Variants in PRKAG2 observed in about 807,000 individuals in gnomAD.
PRKAG2 encodes protein kinase AMP-activated non-catalytic subunit gamma 2.
PRKAG2 carries 26 observed loss-of-function variants against 69.6 expected under a neutral mutation model. The ratio of observed to expected loss-of-function variants is 0.37; its 90% CI spans 0.27 to 0.52. The LOEUF (loss-of-function observed/expected upper bound fraction) is 0.52, where lower values mean the gene tolerates loss of function less well. PRKAG2 is among the 20% of genes least tolerant of loss of function. The pLI is 0.90. For missense variants in PRKAG2, 557 were observed against 740.0 expected (o/e 0.75, Z 2.87); for synonymous variants, 293 against 285.0 (o/e 1.03, Z -0.28).
At chr7:151,837,251 G>A (rs1239591117) in intron 1 of PRKAG2, 3 of 152,220 alleles carry the variant, frequency 2.0e-5, no homozygotes, top group African/African-American at 7.2e-5. Context: ...GGTGAGACCT[G>A]GTATTTTTCA....
At chr7:151,794,572 A>C (rs938109046) in intron 1 of PRKAG2, among the ~76,000 whole-genome samples, 16 of 152,246 alleles carry the variant, frequency 1.1e-4, no homozygotes, top group Non-Finnish European at 2.4e-4. Flanking sequence ...TGTGGGGAGC[A>C]ACAAAGGCAT....
In PRKAG2 at chr7:151,698,470, C is replaced by T. The variant is rs567971410; in HGVS notation, c.467-22833G>A. On this transcript the variant is annotated intron_variant, in intron 3 of 15. Transcript: ENST00000287878. ...GTGGGAGAAGTCTGGGTCATGGGGG[C>T]GAATGTCGTGGTGCTGTCCTCGTGG... Among the ~76,000 whole-genome samples the T allele has an allele frequency of 5.9e-5, 9 of 152,146 alleles. No individual in the cohort carries two copies. The South Asian group carries it at 8.3e-4, about 14-fold the overall frequency.
At chr7:151,681,970 C>T (rs996354990) in intron 3 of PRKAG2, among the ~76,000 whole-genome samples, 10 of 152,170 alleles carry the variant, frequency 6.6e-5, no homozygotes, top group Non-Finnish European at 1.2e-4. Flanking sequence ...ACGGAGTGAG[C>T]TTGGGACCCC....
In PRKAG2 at chr7:151,735,252, C is replaced by T. The variant is rs544860076; in HGVS notation, c.466+45900G>A. Among the ~76,000 whole-genome samples, 9 of 152,244 alleles carry T rather than the reference C, an allele frequency of 5.9e-5. No homozygotes were observed. In the East Asian group the frequency reaches 1.5e-3, roughly 26 times the overall value. ...AAAGCTTTGGAATCGACCTGTGTGGCTGCAGACAGACAAGGGCAAAACCCA... is the reference window on the plus strand; with the variant it reads ...AAAGCTTTGGAATCGACCTGTGTGGTTGCAGACAGACAAGGGCAAAACCCA... On this transcript the variant is annotated intron_variant, in intron 3 of 15. Coordinates refer to ENST00000287878, the MANE Select transcript of PRKAG2 (RefSeq NM_016203.4).
At chr7:151,872,481 G>C (rs1310088823) in intron 1 of PRKAG2, among the ~76,000 whole-genome samples, 1 of 152,234 alleles carries the variant, frequency 6.6e-6, no homozygotes, top group African/African-American at 2.4e-5. Flanking sequence ...ATCCCAGGGA[G>C]TGCAGACAAG....
intron 12 of PRKAG2, 66 bp from the exon 13 acceptor site, chr7:151,565,449 G>A: frequency 8.6e-7 from 1 of 1,158,076 alleles, no homozygotes; most frequent in Non-Finnish European, 1.2e-6. Flanking sequence ...TTTAAAATCA[G>A]TTTTAATGAC....
chr7:151,766,079 T>C (rs1428367875), intron 3 of PRKAG2, among the ~76,000 whole-genome samples: 1 of 152,198 alleles, frequency 6.6e-6, no homozygotes, highest in African/African-American at 2.4e-5. Context: ...CAGACTCAAT[T>C]CATCTCCTTT....
At chr7:151,793,999 C>T (rs1365601982) in intron 1 of PRKAG2, among the ~76,000 whole-genome samples, 4 of 152,224 alleles carry the variant, frequency 2.6e-5, no homozygotes, top group Non-Finnish European at 5.9e-5. Flanking sequence ...TCACTACAGC[C>T]TAAGCAACTT....
chr7:151,796,508 G>A (rs2077545069), intron 1 of PRKAG2, among the ~76,000 whole-genome samples: 1 of 152,234 alleles, frequency 6.6e-6, no homozygotes, highest in Admixed American at 6.5e-5. Context: ...TCGTCTCTGA[G>A]CCTTGGCAGC....
intron 2 of PRKAG2, among the ~76,000 whole-genome samples, chr7:151,782,500 T>C (rs1234310925): frequency 6.6e-6 from 1 of 152,196 alleles, no homozygotes; most frequent in Non-Finnish European, 1.5e-5. Context: ...TTTAAAATTC[T>C]AGTCATGGCT....
At chr7:151,720,907 G>A (rs1482775705) in intron 3 of PRKAG2, among the ~76,000 whole-genome samples, 6 of 134,636 alleles carry the variant, frequency 4.5e-5, no homozygotes, top group African/African-American at 1.7e-4. Flanking sequence ...GAGGGTAGTG[G>A]TGGGGGGAAT....
chr7:151,719,029 C>T lies in PRKAG2; in HGVS notation c.467-43392G>A, dbSNP rs1796618455. 6.6e-6 allele frequency among the ~76,000 whole-genome samples: 1 copy of T among 152,168 alleles called. No homozygotes were observed. Among genetic ancestry groups the T allele is most frequent in the Non-Finnish European group, 1.5e-5 (1 of 68,034 alleles). On this transcript the variant is annotated intron_variant, in intron 3 of 15. Coordinates refer to ENST00000287878, the MANE Select transcript of PRKAG2 (RefSeq NM_016203.4). This position sits in a 1 kb window ranked among gnomAD's most constrained non-coding sequence, Gnocchi z 5.2. ...TCTGTGCTCAGACTTTCCAACCCAC[C>T]CACAAACATTCATTAAGCCCCTGAT... is the stretch of plus-strand genomic sequence containing the variant.
At position 151,781,502 on chromosome 7, in the gene PRKAG2, A is replaced by C. The variant is rs909947289; in HGVS notation, c.187-71T>G. On this transcript the variant is annotated intron_variant, in intron 2 of 15. Coordinates refer to ENST00000287878, the MANE Select transcript of PRKAG2 (RefSeq NM_016203.4). The surrounding 1 kb of genome is among the most constrained non-coding windows in gnomAD (Gnocchi z 6.1). ...CACGCTGCCTCCTGCCCTGTATGAA[A>C]CTTATCATTGTCCTCTCTCACATGC... 1.3e-6 allele frequency: 2 copies of C among 1,523,130 alleles called. No individual in the cohort carries two copies. The highest frequency in any genetic ancestry group is 8.9e-7 in the Non-Finnish European group (1 of 1,129,616). 94.4% of individuals were successfully genotyped at this position (1,523,130 alleles called of 1,614,324 possible). A position where few individuals can be genotyped will look rare whatever the true frequency, so the allele number is the denominator to read the frequency against.
At chr7:151,635,534 C>T (rs1337171780) in intron 4 of PRKAG2, among the ~76,000 whole-genome samples, 1 of 152,124 alleles carries the variant, frequency 6.6e-6, no homozygotes, top group Admixed American at 6.5e-5. Flanking sequence ...CTGACACATA[C>T]AACAACTTGG....
At chr7:151,573,792 T>C (rs1408053679) in intron 8 of PRKAG2, among the ~76,000 whole-genome samples, 14 of 152,184 alleles carry the variant, frequency 9.2e-5, no homozygotes, top group Admixed American at 9.2e-4. Context: ...TGTGTTTGTT[T>C]TTCGGAGACA....
rs551042971 is a variant in PRKAG2 at position 151,706,359 on chromosome 7, G to C, written c.467-30722C>G. On this transcript the variant is annotated intron_variant, in intron 3 of 15. Coordinates refer to ENST00000287878, the MANE Select transcript of PRKAG2 (RefSeq NM_016203.4). ...GAGACCCACTCATAGCCCAGGACTGGGAGGTCAGGCTCCTGCCTCGCCCTG... is the reference window on the plus strand; with the variant it reads ...GAGACCCACTCATAGCCCAGGACTGCGAGGTCAGGCTCCTGCCTCGCCCTG... 5.9e-5 allele frequency among the ~76,000 whole-genome samples: 9 copies of C among 152,330 alleles called. No individual in the cohort carries two copies. The South Asian group carries it at 1.0e-3, about 18-fold the overall frequency.
chr7:151,713,240 C>G lies in PRKAG2; in HGVS notation c.467-37603G>C, dbSNP rs79533760. ...GAAAATGGATATGCAGTTTGCAGAT[C>G]TACATCCCTCACACTGTCTTCTGGG... On this transcript the variant is annotated intron_variant, in intron 3 of 15. Coordinates refer to ENST00000287878, the MANE Select transcript of PRKAG2 (RefSeq NM_016203.4). Among the ~76,000 whole-genome samples, 904 of 152,342 alleles carry G rather than the reference C, an allele frequency of 5.9e-3. 17 individuals carry two copies. Among genetic ancestry groups the G allele is most frequent in the African/African-American group, 0.021 (870 of 41,568 alleles).
intron 5 of PRKAG2, among the ~76,000 whole-genome samples, chr7:151,630,347 G>A (rs1418931873): frequency 6.6e-6 from 1 of 152,094 alleles, no homozygotes; most frequent in Non-Finnish European, 1.5e-5. Flanking sequence ...CTCTGTGTTG[G>A]GTTTCATTAA....
At chr7:151,598,021 C>T (rs1045130521) in intron 5 of PRKAG2, among the ~76,000 whole-genome samples, 3 of 152,116 alleles carry the variant, frequency 2.0e-5, no homozygotes, top group Admixed American at 2.0e-4. Flanking sequence ...ATGTTGAGTG[C>T]AGCACTATTC....
Sources: gnomAD v4.1 joint callset for allele counts (sites outside exome capture counted in the v4.1 genomes callset) on GRCh38, gnomAD v4.1.1 for gene constraint, Gnocchi (gnomAD v3.1) non-coding constraint, MANE v1.5 for transcripts, NCBI Gene and HGNC (gene_info 2026-07-23, HGNC 2026-07-21) for gene names.